Variants in GTF2H3 observed in about 807,000 individuals in gnomAD.
The protein encoded by GTF2H3 is TFIIH basal transcription factor complex p34 subunit.
In GTF2H3, 42 loss-of-function variants were observed where a neutral mutation model predicts 51.1. That is an observed-to-expected ratio of 0.82 (90% CI 0.64 to 1.06). The LOEUF (loss-of-function observed/expected upper bound fraction) is 1.06, where lower values mean the gene tolerates loss of function less well. GTF2H3 is among the 50% of genes least tolerant of loss of function. The pLI is 0.00. For missense variants in GTF2H3, 326 were observed against 366.1 expected (o/e 0.89, Z 0.89); for synonymous variants, 123 against 123.8 (o/e 0.99, Z 0.04).
At chr12:123,645,673 A>T (rs1217619386) in intron 3 of GTF2H3, 112 bp downstream of exon 3, 2 of 626,726 alleles carry the variant, frequency 3.2e-6, no homozygotes, top group Admixed American at 5.5e-5. Context: ...TGTTTTCTGT[A>T]CCAGTGAACA....
chr12:123,658,404 G>C (rs1955613050), intron 9 of GTF2H3, among the ~76,000 whole-genome samples: 1 of 152,158 alleles, frequency 6.6e-6, no homozygotes. Context: ...TTTTAGTAGA[G>C]ACAGGGTTTT....
At chr12:123,653,516 G>C (rs1027827796) in intron 7 of GTF2H3, among the ~76,000 whole-genome samples, 1 of 151,918 alleles carries the variant, frequency 6.6e-6, no homozygotes, top group African/African-American at 2.4e-5. Flanking sequence ...AAAAAATGTC[G>C]TGGGCGCCTG....
chr12:123,639,058 G>A (rs1230268729), intron 1 of GTF2H3, among the ~76,000 whole-genome samples: 3 of 152,062 alleles, frequency 2.0e-5, no homozygotes, highest in Non-Finnish European at 4.4e-5. Flanking sequence ...GCCTCCCAAA[G>A]TGCTGGGGTT....
In GTF2H3 at chr12:123,660,742, C is replaced by T. The variant is rs1955646874; in HGVS notation, c.*507C>T. ...AAATTGAGACAGCCTCAGATATTTG[C>T]AGATATTTACTTTTTGTCTGATATC... On this transcript the variant is annotated 3_prime_UTR_variant, in exon 13 of 13. Coordinates refer to ENST00000543341, the MANE Select transcript of GTF2H3 (RefSeq NM_001516.5). 6.6e-6 allele frequency: 1 copy of T among 152,270 alleles called. No homozygotes were observed. The highest frequency in any genetic ancestry group is 6.5e-5 in the Admixed American group (1 of 15,270). 9.4% of individuals were successfully genotyped at this position (152,270 alleles called of 1,614,324 possible). A position where few individuals can be genotyped will look rare whatever the true frequency, so the allele number is the denominator to read the frequency against.
At chr12:123,642,011 A>G (rs1414676119) in intron 2 of GTF2H3, among the ~76,000 whole-genome samples, 2 of 150,790 alleles carry the variant, frequency 1.3e-5, no homozygotes, top group Non-Finnish European at 3.0e-5. Context: ...GTGCCACCAT[A>G]CCTGGCTAAT....
chr12:123,650,855 A>G, intron 4 of GTF2H3, 139 bp from the exon 5 acceptor site: 1 of 603,550 alleles, frequency 1.7e-6, no homozygotes, highest in Non-Finnish European at 3.0e-6. Context: ...TTTTAAACCT[A>G]GTTTGAAAAT....
At chr12:123,655,705 G>C in intron 8 of GTF2H3, 66 bp from the exon 9 acceptor site, 1 of 917,306 alleles carries the variant, frequency 1.1e-6, no homozygotes, top group South Asian at 1.3e-5. Flanking sequence ...GCATGTAGTA[G>C]GTTCTCAGTA....
intron 9 of GTF2H3, 138 bp from the exon 10 acceptor site, chr12:123,659,378 A>G (rs927197613): frequency 3.9e-5 from 27 of 700,706 alleles, no homozygotes; most frequent in African/African-American, 3.0e-4. Context: ...ATATAAAAAT[A>G]AAAATAAAAT....
Position 123,647,996 on chromosome 12 carries a change from T to G in GTF2H3, c.234T>G (p.Leu78=). 6.2e-7 allele frequency: 1 copy of G among 1,613,876 alleles called. No individual in the cohort carries two copies. The highest frequency in any genetic ancestry group is 8.5e-7 in the Non-Finnish European group (1 of 1,179,874). Residue 78 remains leucine, a synonymous_variant, in exon 4 of 13, where the codon CTT becomes CTG. Coordinates refer to ENST00000543341, the MANE Select transcript of GTF2H3 (RefSeq NM_001516.5). ...TATATCCTGGAAAGAATGGCAGACTTGGAGACTTCTTCGGAGACCCTGGCA... is the reference window on the plus strand; with the variant it reads ...TATATCCTGGAAAGAATGGCAGACTGGGAGACTTCTTCGGAGACCCTGGCA... ...RFLYPGKNGR[L]GDFFGDPGNP...
intron 1 of GTF2H3, among the ~76,000 whole-genome samples, chr12:123,635,136 T>C (rs1222419045): frequency 1.3e-5 from 2 of 152,182 alleles, no homozygotes; most frequent in Admixed American, 1.3e-4. Flanking sequence ...ATTCACAGGG[T>C]CATTGCATGT....
intron 2 of GTF2H3, 119 bp downstream of exon 2, chr12:123,639,462 C>A: frequency 3.5e-6 from 2 of 571,046 alleles, no homozygotes; most frequent in South Asian, 5.1e-5. Context: ...AGCCACTGTA[C>A]AATTCAGTGA....
intron 1 of GTF2H3, among the ~76,000 whole-genome samples, chr12:123,637,395 A>G (rs1382920023): frequency 6.6e-6 from 1 of 152,082 alleles, no homozygotes; most frequent in East Asian, 1.9e-4. Context: ...AAAAACAAAA[A>G]TCCAAATGAA....
At chr12:123,648,387 T>G in intron 4 of GTF2H3, 1 of 265,596 alleles carries the variant, frequency 3.8e-6, no homozygotes, top group Non-Finnish European at 7.0e-6. Context: ...TCTTGAAACA[T>G]TATTTCATAG....
In GTF2H3 at chr12:123,652,385, G is replaced by A. The variant is rs11572974; in HGVS notation, c.428-147G>A. On this transcript the variant is annotated intron_variant, in intron 5 of 12. Transcript: ENST00000543341. ...GAACTGAAAACCCCCAATCACTCTTGTGTATTTATCTTGGTGAGTGGAGCA... is the reference window on the plus strand; with the variant it reads ...GAACTGAAAACCCCCAATCACTCTTATGTATTTATCTTGGTGAGTGGAGCA... 3.3e-3 allele frequency: 1,830 copies of A among 562,054 alleles called. 7 individuals are homozygous for A. The highest frequency in any genetic ancestry group is 4.1e-3 in the Non-Finnish European group (1,313 of 320,802). The allele number at this position is 562,054 out of a possible 1,614,324, so 34.8% of individuals were successfully genotyped here.
intron 4 of GTF2H3, among the ~76,000 whole-genome samples, 153 bp from the exon 5 acceptor site, chr12:123,650,841 A>G (rs1009359577): frequency 2.0e-5 from 3 of 152,228 alleles, no homozygotes; most frequent in African/African-American, 4.8e-5. Flanking sequence ...ACACATTGCT[A>G]TGTTTTTAAA....
chr12:123,657,356 C>T (rs1955599664), intron 9 of GTF2H3, among the ~76,000 whole-genome samples: 1 of 152,200 alleles, frequency 6.6e-6, no homozygotes, highest in Non-Finnish European at 1.5e-5. Flanking sequence ...GAACCTTTTG[C>T]CCCGCATCTT....
rs1050772249 is a variant in GTF2H3, at chr12:123,652,907, G to A, written c.486+172G>A. ...AGCCTGGCCAACATGGTGAAACCCC[G>A]TCTCTACTCAAAATACAAAAATTAG... is the stretch of plus-strand genomic sequence containing the variant. On this transcript the variant is annotated intron_variant, in intron 7 of 12. Transcript: ENST00000543341. 5.9e-5 allele frequency among the ~76,000 whole-genome samples: 9 copies of A among 151,958 alleles called. No homozygotes were observed. The East Asian group carries it at 1.7e-3, about 29-fold the overall frequency.
chr12:123,651,055 C>T lies in GTF2H3; in HGVS notation c.426C>T (p.Cys142=). 3.7e-6 allele frequency: 6 copies of T among 1,608,508 alleles called. No homozygotes were observed. The highest frequency in any genetic ancestry group is 5.1e-6 in the Non-Finnish European group (6 of 1,174,994). ...CAGGATCCCTGGCCAAAGCCCTTTGCTGTATCCTTGGTGTCTGAATCATTT... is the reference window on the plus strand; with the variant it reads ...CAGGATCCCTGGCCAAAGCCCTTTGTTGTATCCTTGGTGTCTGAATCATTT... ...LLAGSLAKAL[C]YIHRMNKEVK... The change falls in exon 5 of 13, where the codon TGC becomes TGT. Residue 142 remains cysteine (C), a splice_region_variant and synonymous_variant. Transcript: ENST00000543341.
intron 5 of GTF2H3, 47 bp from the exon 6 acceptor site, chr12:123,652,485 A>G (rs1955531291): frequency 9.1e-7 from 1 of 1,094,116 alleles, no homozygotes; most frequent in Non-Finnish European, 1.3e-6. Context: ...ATAAATATTT[A>G]TGAAGCAAAA....
Sources: gnomAD v4.1 joint callset for allele counts (sites outside exome capture counted in the v4.1 genomes callset) on GRCh38, gnomAD v4.1.1 for gene constraint, MANE v1.5 for transcripts, NCBI Gene and HGNC (gene_info 2026-07-23, HGNC 2026-07-21) for gene names.